Variants in EED observed in about 807,000 individuals in gnomAD.
The protein encoded by EED is polycomb protein EED.
A neutral mutation model predicts 61.0 loss-of-function variants in EED; 9 were observed. The ratio of observed to expected loss-of-function variants is 0.15; its 90% CI spans 0.09 to 0.26. The LOEUF (loss-of-function observed/expected upper bound fraction) is 0.26, where lower values mean the gene tolerates loss of function less well. Ranked by LOEUF, EED falls within the 10% of genes least tolerant of loss-of-function variation. The probability of loss-of-function intolerance (pLI) is 1.00; values close to 1 mark genes in which losing one functional copy is unlikely to be tolerated. For missense variants in EED, 315 were observed against 542.3 expected (o/e 0.58, Z 4.16); for synonymous variants, 187 against 174.4 (o/e 1.07, Z -0.57).
intron 1 of EED, among the ~76,000 whole-genome samples, chr11:86,249,508 C>T (rs764749202): frequency 6.6e-6 from 1 of 152,020 alleles, no homozygotes; most frequent in African/African-American, 2.4e-5. Flanking sequence ...TAGTGGAATC[C>T]TCTTCTGAGA....
In EED at chr11:86,257,610, A is replaced by G. The variant is rs753868896; in HGVS notation, c.634+14A>G. On this transcript the variant is annotated intron_variant, in intron 6 of 11. Transcript: ENST00000263360. ...CAGTAAGTAAAGGTAAGTGAAGCAAATGTTTCTTGAGTCTGTGCAATTTGT... is the reference window on the plus strand; with the variant it reads ...CAGTAAGTAAAGGTAAGTGAAGCAAGTGTTTCTTGAGTCTGTGCAATTTGT... The G allele has an allele frequency of 1.9e-6, 3 of 1,598,056 alleles. No homozygotes were observed. Among genetic ancestry groups the G allele is most frequent in the Non-Finnish European group, 2.6e-6 (3 of 1,170,416 alleles).
the EED span, among the ~76,000 whole-genome samples, chr11:86,286,018 ACT>A: frequency 0.033 from 5,031 of 151,838 alleles, 262 homozygotes; most frequent in African/African-American, 0.11. Flanking sequence ...GGGAGTGGAA[ACT>A]CTGCACAAAA....
chr11:86,278,232 T>A, intron 11 of EED, 167 bp from the exon 12 acceptor site: 1 of 1,340,644 alleles, frequency 7.5e-7, no homozygotes, highest in Non-Finnish European at 9.6e-7. Flanking sequence ...TTAAAATATA[T>A]CTAAATTTTA....
At chr11:86,250,232 A>G in intron 1 of EED, 64 bp from the exon 2 acceptor site, 1 of 1,356,996 alleles carries the variant, frequency 7.4e-7, no homozygotes, top group Non-Finnish European at 9.6e-7. Flanking sequence ...TTCCCAGTAG[A>G]GTTATTTACT....
intron 3 of EED, among the ~76,000 whole-genome samples, chr11:86,253,283 T>C (rs968829302): frequency 4.6e-5 from 7 of 152,210 alleles, no homozygotes; most frequent in African/African-American, 1.7e-4. Context: ...AGGAAAAATT[T>C]TGCGGTTTTA....
intron 2 of EED, 94 bp downstream of exon 2, chr11:86,250,542 T>C (rs1215560493): frequency 1.5e-6 from 2 of 1,320,600 alleles, no homozygotes; most frequent in Non-Finnish European, 2.0e-6. Context: ...CTCTGTCAAG[T>C]TGTAAATATT....
Position 86,261,441 on chromosome 11 carries a change from A to T in EED, c.635-2731A>T, listed in dbSNP as rs559769413. 3.7e-4 allele frequency among the ~76,000 whole-genome samples: 56 copies of T among 152,324 alleles called. 2 individuals are homozygous for T. Among genetic ancestry groups the T allele is most frequent in the Admixed American group, 3.6e-3 (55 of 15,308 alleles). ...TGGGTTTGCCACGTGCAGCCCACATAGCATCTTATGAGTTGGAGTCGGGTG... is the reference window on the plus strand; with the variant it reads ...TGGGTTTGCCACGTGCAGCCCACATTGCATCTTATGAGTTGGAGTCGGGTG... On this transcript the variant is annotated intron_variant, in intron 6 of 11. Coordinates refer to ENST00000263360, the MANE Select transcript of EED (RefSeq NM_003797.5).
At position 86,245,238 on chromosome 11, in the gene EED, G is replaced by C. The variant is rs773510026; in HGVS notation, c.9G>C (p.Glu3Asp). ...GAGGGAGGCGGAGGAATATGTCCGA[G>C]AGGGAAGTGTCGACTGCGCCGGCGG... is the stretch of plus-strand genomic sequence containing the variant. MS[E>D]REVSTAPAGT... Residue 3 changes from glutamate (E) to aspartate (D), a missense_variant, in exon 1 of 12, where the codon GAG becomes GAC. Transcript: ENST00000263360. The C allele has an allele frequency of 1.2e-6, 2 of 1,613,342 alleles. No homozygotes were observed. The highest frequency in any genetic ancestry group is 3.3e-5 in the Admixed American group (2 of 59,964).
chr11:86,246,247 C>T (rs1945388848), intron 1 of EED, among the ~76,000 whole-genome samples: 1 of 152,180 alleles, frequency 6.6e-6, no homozygotes, highest in South Asian at 2.1e-4. Flanking sequence ...GGTTGATAAC[C>T]AGTAAGGTCA....
intron 6 of EED, among the ~76,000 whole-genome samples, chr11:86,258,444 C>T (rs113366845): frequency 3.3e-5 from 5 of 152,096 alleles, no homozygotes; most frequent in African/African-American, 1.2e-4. Context: ...TTTTTCTTGT[C>T]TCTTGATAAC....
At chr11:86,254,296 T>C (rs1325682870) in intron 3 of EED, among the ~76,000 whole-genome samples, 2 of 151,490 alleles carry the variant, frequency 1.3e-5, no homozygotes, top group Admixed American at 6.6e-5. Flanking sequence ...CAAAGACTTA[T>C]TTTTATTTGA....
At position 86,245,216 on chromosome 11, in the gene EED, G is replaced by A; in HGVS notation, c.-14G>A. On this transcript the variant is annotated 5_prime_UTR_variant, in exon 1 of 12. Transcript: ENST00000263360. Reference sequence around the variant, plus strand: ...CGCCCCAGGCGGCAGGAACCTGGAGGGAGGCGGAGGAATATGTCCGAGAGG... The same window carrying A: ...CGCCCCAGGCGGCAGGAACCTGGAGAGAGGCGGAGGAATATGTCCGAGAGG... 1.2e-6 allele frequency: 2 copies of A among 1,608,600 alleles called. No homozygotes were observed. Among genetic ancestry groups the A allele is most frequent in the East Asian group, 2.3e-5 (1 of 44,198 alleles).
chr11:86,276,025 A>C (rs1264172966), intron 9 of EED: 2 of 152,190 alleles, frequency 1.3e-5, no homozygotes, highest in African/African-American at 4.8e-5. Flanking sequence ...CTCTAGGGGC[A>C]CTGTTCACTT....
chr11:86,264,361 C>A, intron 7 of EED, 98 bp downstream of exon 7: 1 of 791,516 alleles, frequency 1.3e-6, no homozygotes, highest in Non-Finnish European at 2.1e-6. Flanking sequence ...TTTCATGTAG[C>A]CTGTCAGGCA....
At chr11:86,264,364 G>A (rs1945919497) in intron 7 of EED, 101 bp downstream of exon 7, 3 of 759,250 alleles carry the variant, frequency 4.0e-6, no homozygotes, top group Admixed American at 2.4e-5. Context: ...CATGTAGCCT[G>A]TCAGGCAGAC....
intron 1 of EED, among the ~76,000 whole-genome samples, chr11:86,245,868 G>A (rs1365509287): frequency 1.3e-5 from 2 of 152,130 alleles, no homozygotes; most frequent in African/African-American, 2.4e-5. Flanking sequence ...GCGGAGACCG[G>A]GTGCGCCTGA....
chr11:86,276,397 A>G (rs1270939310), intron 9 of EED: 1 of 152,194 alleles, frequency 6.6e-6, no homozygotes, highest in Admixed American at 6.5e-5. Flanking sequence ...CGATTGCCCT[A>G]TTTATAAACT....
At chr11:86,275,111 A>G (rs1202063702) in intron 9 of EED, among the ~76,000 whole-genome samples, 1 of 152,140 alleles carries the variant, frequency 6.6e-6, no homozygotes, top group African/African-American at 2.4e-5. Flanking sequence ...GGAATACATA[A>G]GGCAAAAGAA....
chr11:86,257,424 G>A, intron 5 of EED, 91 bp from the exon 6 acceptor site: 1 of 868,418 alleles, frequency 1.2e-6, no homozygotes, highest in Non-Finnish European at 1.6e-6. Context: ...ACTACTTTAA[G>A]TGAAACTATT....
Sources: allele counts gnomAD v4.1 joint callset (sites outside exome capture counted in the v4.1 genomes callset), GRCh38; gene constraint gnomAD v4.1.1; transcripts MANE v1.5; gene names NCBI Gene and HGNC (gene_info 2026-07-23, HGNC 2026-07-21).